Variants in CSMD1 observed in about 807,000 individuals in gnomAD.
CSMD1 encodes the protein CUB and sushi domain-containing protein 1.
In CSMD1, 213 loss-of-function variants were observed where a neutral mutation model predicts 417.5. The ratio of observed to expected loss-of-function variants is 0.51; its 90% CI spans 0.46 to 0.57. The LOEUF is 0.57. Ranked by LOEUF, CSMD1 falls within the 20% of genes least tolerant of loss-of-function variation. The pLI is 0.00. For missense variants in CSMD1, 6,923 were observed against 4,529.7 expected, an observed-to-expected ratio of 1.53 and a Z score of -15.17; for synonymous variants, 2,862 against 1,736.8, an observed-to-expected ratio of 1.65 and a Z score of -16.11.
At position 3,772,189 on chromosome 8, in the gene CSMD1, T is replaced by TAC. The variant is rs66499504; in HGVS notation, c.819-18149_819-18148dup. Among the ~76,000 whole-genome samples, 18 of 100,922 alleles carry TAC rather than the reference T, an allele frequency of 1.8e-4. 2 individuals carry two copies. Among genetic ancestry groups the TAC allele is most frequent in the African/African-American group, 6.6e-4 (16 of 24,266 alleles). 66.2% of individuals were successfully genotyped at this position (100,922 alleles called of 152,430 possible). On this transcript the variant is annotated intron_variant, in intron 5 of 69. Coordinates refer to ENST00000635120, the MANE Select transcript of CSMD1 (RefSeq NM_033225.6). ...CAACATATATATATATATATATATA[T>TAC]ACACACACACACACACACACACACA...
rs964262760 is a variant in CSMD1 at position 3,658,541 on chromosome 8, G to C, written c.1010-41744C>G. On this transcript the variant is annotated intron_variant, in intron 7 of 69. Coordinates refer to ENST00000635120, the MANE Select transcript of CSMD1 (RefSeq NM_033225.6). Reference sequence around the variant, plus strand: ...CTCATGCCTGTAATCCCAGCACTTTGGGAGGCCAAGGCAGGTGGATGACTT... The same window carrying C: ...CTCATGCCTGTAATCCCAGCACTTTCGGAGGCCAAGGCAGGTGGATGACTT... Among the ~76,000 whole-genome samples the C allele has an allele frequency of 2.6e-5, 4 of 151,020 alleles. No individual in the cohort carries two copies. The East Asian group carries it at 5.8e-4, about 22-fold the overall frequency.
At chr8:3,893,347 AT>A in intron 5 of CSMD1, among the ~76,000 whole-genome samples, 1 of 122,544 alleles carries the variant, frequency 8.2e-6, no homozygotes, top group Non-Finnish European at 1.7e-5. Flanking sequence ...TTTTATATAT[AT>A]ATATATATAT....
chr8:4,598,658 C>T (rs1274849884), intron 2 of CSMD1, among the ~76,000 whole-genome samples: 1 of 152,132 alleles, frequency 6.6e-6, no homozygotes, highest in African/African-American at 2.4e-5. Context: ...AATCTAGACA[C>T]CTAATTTCCT....
intron 1 of CSMD1, among the ~76,000 whole-genome samples, chr8:4,644,937 G>A (rs980858491): frequency 6.6e-6 from 1 of 152,090 alleles, no homozygotes; most frequent in African/African-American, 2.4e-5. Context: ...GAGGTGGTCG[G>A]ACAAATTAAA....
chr8:4,291,170 T>C (rs1371655572), intron 3 of CSMD1, among the ~76,000 whole-genome samples: 1 of 152,130 alleles, frequency 6.6e-6, no homozygotes, highest in Non-Finnish European at 1.5e-5. Context: ...ATATTCTCTT[T>C]AGTGTTGCAT....
At chr8:3,431,011 T>A (rs576508960) in intron 12 of CSMD1, among the ~76,000 whole-genome samples, 3 of 152,296 alleles carry the variant, frequency 2.0e-5, no homozygotes, top group African/African-American at 7.2e-5. Flanking sequence ...TCTTCTTGGT[T>A]TTAGTTCCTT....
At chr8:4,089,278 G>T (rs957876885) in intron 3 of CSMD1, among the ~76,000 whole-genome samples, 1 of 152,132 alleles carries the variant, frequency 6.6e-6, no homozygotes, top group Non-Finnish European at 1.5e-5. Context: ...GGAATTAGTG[G>T]GGTGCCTGCC....
intron 3 of CSMD1, among the ~76,000 whole-genome samples, chr8:4,247,048 A>G (rs963831155): frequency 6.6e-6 from 1 of 152,200 alleles, no homozygotes; most frequent in Non-Finnish European, 1.5e-5. Flanking sequence ...ACCTTAAAAT[A>G]TAAAGTGAAG....
At chr8:4,872,390 C>T (rs1275729791) in intron 1 of CSMD1, among the ~76,000 whole-genome samples, 1 of 151,956 alleles carries the variant, frequency 6.6e-6, no homozygotes, top group African/African-American at 2.4e-5. Context: ...GGAGTGGTTT[C>T]CCTGATGCTG....
chr8:4,853,668 G>C (rs957676755), intron 1 of CSMD1, among the ~76,000 whole-genome samples: 3 of 152,198 alleles, frequency 2.0e-5, no homozygotes, highest in Non-Finnish European at 4.4e-5. Flanking sequence ...ACCCAGTGGA[G>C]CTGTGGGAAG....
At chr8:4,208,773 C>T (rs1296082884) in intron 3 of CSMD1, among the ~76,000 whole-genome samples, 2 of 152,120 alleles carry the variant, frequency 1.3e-5, no homozygotes, top group East Asian at 1.9e-4. Flanking sequence ...TTTTGTATTA[C>T]AGAAATCAGA....
At chr8:4,166,523 T>C (rs973282151) in intron 3 of CSMD1, among the ~76,000 whole-genome samples, 1 of 152,190 alleles carries the variant, frequency 6.6e-6, no homozygotes, top group African/African-American at 2.4e-5. Flanking sequence ...GCAAATACTG[T>C]ATATTCTCAT....
intron 3 of CSMD1, among the ~76,000 whole-genome samples, chr8:4,327,957 A>C (rs1057291266): frequency 3.3e-5 from 5 of 152,194 alleles, no homozygotes; most frequent in Admixed American, 6.6e-5. Flanking sequence ...GTGATCTAGA[A>C]GTTGAATGAA....
At chr8:4,299,226 G>A (rs1443533973) in intron 3 of CSMD1, among the ~76,000 whole-genome samples, 2 of 152,128 alleles carry the variant, frequency 1.3e-5, no homozygotes, top group Non-Finnish European at 2.9e-5. Context: ...TAAGTCATCA[G>A]AATAAAATAA....
Position 3,217,544 on chromosome 8 carries a change from G to C in CSMD1, c.4672+1711C>G, listed in dbSNP as rs945890114. Among the ~76,000 whole-genome samples, 3 of 152,132 alleles carry C rather than the reference G, an allele frequency of 2.0e-5. No individual in the cohort carries two copies. In the South Asian group the frequency reaches 6.2e-4, roughly 32 times the overall value. On this transcript the variant is annotated intron_variant, in intron 29 of 69. Transcript: ENST00000635120. ...GCCTGCATGATTTTGTTGGGGGCGT[G>C]GGGGGCTATCATAGAATAAGTACTG...
chr8:3,910,194 G>A (rs1808372868), intron 5 of CSMD1, among the ~76,000 whole-genome samples: 1 of 152,090 alleles, frequency 6.6e-6, no homozygotes, highest in South Asian at 2.1e-4. Context: ...ATTTTATAAT[G>A]CACGGAAAAC....
At chr8:3,638,524 A>C (rs142498355) in intron 7 of CSMD1, among the ~76,000 whole-genome samples, 1 of 152,260 alleles carries the variant, frequency 6.6e-6, no homozygotes. Flanking sequence ...TATATTTGGT[A>C]ATTCAGGAGT....
At position 4,430,285 on chromosome 8, in the gene CSMD1, C is replaced by G. The variant is rs181463319; in HGVS notation, c.303-10220G>C. On this transcript the variant is annotated intron_variant, in intron 2 of 69. Transcript: ENST00000635120. ...TAAAATCACATCTTATGTTTTGGTG[C>G]TGAAAAAATATTGCAGTTAAACCAC... Among the ~76,000 whole-genome samples the G allele has an allele frequency of 8.2e-4, 125 of 152,186 alleles. 2 individuals carry two copies. In the East Asian group the frequency reaches 0.02, roughly 25 times the overall value.
At chr8:4,763,887 C>T (rs1585060927) in intron 1 of CSMD1, among the ~76,000 whole-genome samples, 1 of 152,140 alleles carries the variant, frequency 6.6e-6, no homozygotes, top group East Asian at 1.9e-4. Flanking sequence ...ATGATTAAGC[C>T]ACGACTACAT....
Sources: gnomAD v4.1 joint callset for allele counts (sites outside exome capture counted in the v4.1 genomes callset) on GRCh38, gnomAD v4.1.1 for gene constraint, MANE v1.5 for transcripts, NCBI Gene and HGNC (gene_info 2026-07-23, HGNC 2026-07-21) for gene names.